Variants in CACNA1A observed in about 807,000 individuals in gnomAD.
The protein encoded by CACNA1A is voltage-dependent P/Q-type calcium channel subunit alpha-1A.
Under a neutral mutation model 262.4 loss-of-function variants are expected in CACNA1A, and 57 were observed. The ratio of observed to expected loss-of-function variants is 0.22; its 90% CI spans 0.18 to 0.27. The LOEUF is 0.27. Ranked by LOEUF, CACNA1A falls within the 10% of genes least tolerant of loss-of-function variation. The probability of loss-of-function intolerance (pLI) is 1.00; values close to 1 mark genes in which losing one functional copy is unlikely to be tolerated. For synonymous variants in CACNA1A, 1,431 were observed against 1,419.3 expected (o/e 1.01, Z -0.18); for missense variants, 2,526 against 3,562.8 (o/e 0.71, Z 7.41).
At chr19:13,284,161 T>C (rs1414778592) in intron 21 of CACNA1A, 1 of 152,224 alleles carries the variant, frequency 6.6e-6, no homozygotes, top group Non-Finnish European at 1.5e-5. Context: ...TGTGTGACCT[T>C]GGGCAGGTGA....
chr19:13,239,128 C>T (rs553258065), intron 31 of CACNA1A, among the ~76,000 whole-genome samples: 270 of 152,254 alleles, frequency 1.8e-3, no homozygotes, highest in African/African-American at 5.8e-3. Context: ...TGCTTCCTAT[C>T]CTCCCAGGCC....
At position 13,214,687 on chromosome 19, in the gene CACNA1A, C is replaced by T; in HGVS notation, c.5732-79G>A. The T allele has an allele frequency of 1.8e-6, 2 of 1,112,120 alleles. No homozygotes were observed. Among genetic ancestry groups the T allele is most frequent in the Admixed American group, 4.0e-5 (2 of 50,308 alleles). 68.9% of individuals were successfully genotyped at this position (1,112,120 alleles called of 1,614,324 possible). The stretch of plus-strand genomic sequence containing the variant: ...TCTGGGTCAGCTGCAAAGCCATAGG[C>T]TCCCGAGAACGAGACCCCAATCTTT... On this transcript the variant is annotated intron_variant, in intron 38 of 46. Coordinates refer to ENST00000360228, the MANE Select transcript of CACNA1A (RefSeq NM_001127222.2). The surrounding 1 kb of genome is among the most constrained non-coding windows in gnomAD (Gnocchi z 4.1).
At chr19:13,490,808 G>GAAGGAAGGAAAGA (rs1599368446) in intron 1 of CACNA1A, among the ~76,000 whole-genome samples, 1 of 149,122 alleles carries the variant, frequency 6.7e-6, no homozygotes, top group East Asian at 2.0e-4. Context: ...AAGGAAAAAG[G>GAAGGAAGGAAAGA]AAGGAAGGAA....
intron 3 of CACNA1A, among the ~76,000 whole-genome samples, chr19:13,396,301 T>A (rs2059810513): frequency 6.6e-6 from 1 of 152,198 alleles, no homozygotes. Flanking sequence ...GCAAAGCAGC[T>A]CACTCAACTT....
At chr19:13,475,344 C>T (rs1978398270) in intron 1 of CACNA1A, among the ~76,000 whole-genome samples, 1 of 152,170 alleles carries the variant, frequency 6.6e-6, no homozygotes, top group South Asian at 2.1e-4. Context: ...CTATGTCATC[C>T]TCTCTCCAGC....
At chr19:13,287,366 G>T (rs1232679778) in intron 19 of CACNA1A, among the ~76,000 whole-genome samples, 1 of 151,856 alleles carries the variant, frequency 6.6e-6, no homozygotes, top group African/African-American at 2.4e-5. Flanking sequence ...AAACAAAAAA[G>T]AAAAGGAAAG....
Position 13,247,898 on chromosome 19 carries a change from G to A in CACNA1A, c.4867-2633C>T, listed in dbSNP as rs572608504. 1.1e-4 allele frequency among the ~76,000 whole-genome samples: 17 copies of A among 152,080 alleles called. No individual in the cohort carries two copies. In the East Asian group the frequency reaches 3.3e-3, roughly 29 times the overall value. On this transcript the variant is annotated intron_variant, in intron 30 of 46. Coordinates refer to ENST00000360228, the MANE Select transcript of CACNA1A (RefSeq NM_001127222.2). ...GGGAATTAATAGCTCCCCTGGGAGTGGCCTGTGATTATGTCTGATGGGCAC... is the reference window on the plus strand; with the variant it reads ...GGGAATTAATAGCTCCCCTGGGAGTAGCCTGTGATTATGTCTGATGGGCAC...
intron 3 of CACNA1A, among the ~76,000 whole-genome samples, chr19:13,407,614 CAT>C: frequency 6.6e-6 from 1 of 152,126 alleles, no homozygotes; most frequent in South Asian, 2.1e-4. Context: ...ATGGGTGTAC[CAT>C]AGTTTATCCG....
chr19:13,410,801 T>C (rs1354450628), intron 3 of CACNA1A, among the ~76,000 whole-genome samples: 5 of 152,184 alleles, frequency 3.3e-5, no homozygotes, highest in African/African-American at 1.2e-4. Context: ...GTGGACATCA[T>C]TGATCATTCC....
rs371172398 is a variant in CACNA1A, at chr19:13,212,135, C to T, written c.6271G>A (p.Ala2091Thr). The T allele has an allele frequency of 3.8e-5, 61 of 1,613,346 alleles. No individual in the cohort carries two copies. Among genetic ancestry groups the T allele is most frequent in the Non-Finnish European group, 5.2e-5 (61 of 1,179,464 alleles). ...YLPMEGQGRA[A>T]SMPRLPAENQ... ...TCTGCAGGGAGGCGGGGCATGGAGG[C>T]AGCCCGGCCCTGGCCTTCCATGGGG... is the stretch of plus-strand genomic sequence containing the variant. The change falls in exon 43 of 47, where the codon GCC becomes ACC. Residue 2091 changes from alanine to threonine, a missense_variant. By Grantham distance (58) the Ala-to-Thr change is moderately conservative (BLOSUM62 0). Around this residue, in one of 17 missense-constraint regions of CACNA1A, gnomAD observed 929 missense variants for 868.1 expected, o/e 1.07. Transcript: ENST00000360228. The surrounding 1 kb of genome is among the most constrained non-coding windows in gnomAD (Gnocchi z 5.6).
chr19:13,287,011 G>T (rs1384985642), intron 19 of CACNA1A, 45 bp from the exon 20 acceptor site: 2 of 1,436,670 alleles, frequency 1.4e-6, no homozygotes, highest in Admixed American at 4.3e-5. Flanking sequence ...ACTGATTTAG[G>T]ATAAAAGGCA....
At chr19:13,322,408 C>T (rs961480289) in intron 10 of CACNA1A, among the ~76,000 whole-genome samples, 32 of 152,134 alleles carry the variant, frequency 2.1e-4, no homozygotes, top group African/African-American at 7.5e-4. Flanking sequence ...ACCTTGATTT[C>T]AGTTTGGACT....
At chr19:13,313,647 G>A (rs77116291) in intron 11 of CACNA1A, among the ~76,000 whole-genome samples, 7,579 of 152,090 alleles carry the variant, frequency 0.05, 219 homozygotes, top group South Asian at 0.054. Context: ...GAGAAGGATC[G>A]GATATAGATT....
chr19:13,409,390 G>C (rs562312465), intron 3 of CACNA1A, among the ~76,000 whole-genome samples: 1 of 152,098 alleles, frequency 6.6e-6, no homozygotes, highest in African/African-American at 2.4e-5. Context: ...GTGTGTGTGT[G>C]TGTGTGTTGT....
intron 38 of CACNA1A, 70 bp downstream of exon 38, chr19:13,224,597 G>C: frequency 1.0e-6 from 1 of 983,652 alleles, no homozygotes; most frequent in Non-Finnish European, 1.6e-6. Flanking sequence ...CCTCTAGTTT[G>C]GGGTAGGGAG....
chr19:13,277,904 T>C (rs2057188313), intron 22 of CACNA1A: 1 of 151,914 alleles, frequency 6.6e-6, no homozygotes, highest in South Asian at 2.1e-4. Flanking sequence ...CCTAACCAAA[T>C]GGCAAAACCC....
intron 43 of CACNA1A, chr19:13,211,320 A>G (rs2144517964): frequency 6.5e-6 from 1 of 154,062 alleles, no homozygotes; most frequent in Middle Eastern, 3.3e-3. Flanking sequence ...GGCTGCGTGC[A>G]TGGGCCCCCG....
chr19:13,402,851 T>TACACAC (rs1568610857), intron 3 of CACNA1A, among the ~76,000 whole-genome samples: 4 of 79,902 alleles, frequency 5.0e-5, no homozygotes, highest in African/African-American at 2.1e-4. Context: ...TATACACATA[T>TACACAC]ATATATACAC....
At chr19:13,360,591 CCTCAGGCTCCCA>C (rs2059091849) in intron 5 of CACNA1A, among the ~76,000 whole-genome samples, 1 of 151,640 alleles carries the variant, frequency 6.6e-6, no homozygotes. Context: ...GATTCTCCTG[CCTCAGGCTCCCA>C]AGTAGCTGGG....
Sources: allele counts gnomAD v4.1 joint callset (sites outside exome capture counted in the v4.1 genomes callset), GRCh38; gene constraint gnomAD v4.1.1; regional missense constraint gnomAD v4.1.1; non-coding constraint Gnocchi (gnomAD v3.1); transcripts MANE v1.5; gene names NCBI Gene and HGNC (gene_info 2026-07-23, HGNC 2026-07-21).